NVL: variants seen among roughly 807,000 people sequenced by gnomAD.
NVL encodes nuclear VCP like.
Under a neutral mutation model 110.2 loss-of-function variants are expected in NVL, and 84 were observed. The ratio of observed to expected loss-of-function variants is 0.76; its 90% CI spans 0.64 to 0.91. The LOEUF is 0.91. Ranked by LOEUF, NVL falls within the 40% of genes least tolerant of loss-of-function variation. The pLI is 0.00. For synonymous variants in NVL, 354 were observed against 361.1 expected, an observed-to-expected ratio of 0.98 and a Z score of 0.22; for missense variants, 882 against 1,035.9, an observed-to-expected ratio of 0.85 and a Z score of 2.04.
intron 19 of NVL, among the ~76,000 whole-genome samples, chr1:224,247,920 G>A (rs1571818933): frequency 6.6e-6 from 1 of 152,184 alleles, no homozygotes; most frequent in African/African-American, 2.4e-5. Flanking sequence ...ATGTTCCCTG[G>A]GGACGTGAGG....
At chr1:224,233,070 C>T (rs1038778080) in intron 21 of NVL, 131 bp downstream of exon 21, 1 of 689,286 alleles carries the variant, frequency 1.5e-6, no homozygotes, top group African/African-American at 1.8e-5. Context: ...AGAACAGCTT[C>T]TAACAGTCTT....
chr1:224,230,281 C>A (rs1659725418), intron 22 of NVL, among the ~76,000 whole-genome samples: 1 of 152,168 alleles, frequency 6.6e-6, no homozygotes, highest in Non-Finnish European at 1.5e-5. Flanking sequence ...TAGAGTAGGT[C>A]AAATAATACT....
At chr1:224,266,308 G>C (rs890480210) in intron 18 of NVL, among the ~76,000 whole-genome samples, 1 of 152,034 alleles carries the variant, frequency 6.6e-6, no homozygotes, top group South Asian at 2.1e-4. Context: ...ATGCTTTTTG[G>C]TAGGCTGAAG....
chr1:224,323,198 C>G (rs1450361802), intron 2 of NVL, among the ~76,000 whole-genome samples: 1 of 152,160 alleles, frequency 6.6e-6, no homozygotes, highest in African/African-American at 2.4e-5. Context: ...AAAAGTAGAA[C>G]TTGTAAGTGA....
chr1:224,247,813 G>A (rs890026985), intron 19 of NVL, among the ~76,000 whole-genome samples: 2 of 152,132 alleles, frequency 1.3e-5, no homozygotes, highest in African/African-American at 2.4e-5. Flanking sequence ...GCCTGGCCTT[G>A]GATAATTCTT....
intron 2 of NVL, among the ~76,000 whole-genome samples, chr1:224,322,703 T>C (rs1356336727): frequency 1.3e-5 from 2 of 152,084 alleles, no homozygotes; most frequent in Non-Finnish European, 2.9e-5. Context: ...CCTATAATCC[T>C]AGCATGTTGG....
rs960085023 is a variant in NVL, at chr1:224,281,150, A to G, written c.1935T>C (p.Ser645=). The change falls in exon 16 of 23, where the codon TCT becomes TCC. Residue 645 remains serine, a synonymous_variant. Coordinates refer to ENST00000281701, the MANE Select transcript of NVL (RefSeq NM_002533.4). ...TGTTTAGTAATTCGGGGCCCTTGAC[A>G]GATATAAAATTTAGTCCGGACTCAT... ...VANESGLNFI[S]VKGPELLNMY... is the part of the protein sequence containing the mutation. 2 of 1,614,012 alleles carry G rather than the reference A, an allele frequency of 1.2e-6. No homozygotes were observed. The highest frequency in any genetic ancestry group is 3.3e-4 in the Middle Eastern group (2 of 6,062).
At chr1:224,321,540 A>T (rs1477137834) in intron 2 of NVL, among the ~76,000 whole-genome samples, 17 of 152,186 alleles carry the variant, frequency 1.1e-4, no homozygotes, top group Admixed American at 5.9e-4. Flanking sequence ...AACATGGCGA[A>T]ACCACATCTC....
chr1:224,263,878 G>A (rs1664221508), intron 18 of NVL, among the ~76,000 whole-genome samples: 1 of 152,168 alleles, frequency 6.6e-6, no homozygotes, highest in Non-Finnish European at 1.5e-5. Context: ...AGCCGGGTGT[G>A]GTGGCACATG....
intron 19 of NVL, among the ~76,000 whole-genome samples, chr1:224,244,921 C>T (rs933482939): frequency 6.6e-6 from 1 of 152,092 alleles, no homozygotes; most frequent in Non-Finnish European, 1.5e-5. Flanking sequence ...CTCCTGACCT[C>T]GTGATCCGCC....
chr1:224,287,108 G>A lies in NVL; in HGVS notation c.1794+667C>T, dbSNP rs555123553. Among the ~76,000 whole-genome samples the A allele has an allele frequency of 4.9e-4, 75 of 152,278 alleles. 1 individual carries two copies. The highest frequency in any genetic ancestry group is 1.7e-3 in the African/African-American group (72 of 41,542). On this transcript the variant is annotated intron_variant, in intron 14 of 22. Transcript: ENST00000281701. The stretch of plus-strand genomic sequence containing the variant: ...CAGCCACAAAAATGAATGAAATCCT[G>A]TCATTTGCAGCAACATGGATGGAAC...
chr1:224,249,284 C>T (rs1662201564), intron 19 of NVL, among the ~76,000 whole-genome samples: 1 of 152,108 alleles, frequency 6.6e-6, no homozygotes, highest in African/African-American at 2.4e-5. Flanking sequence ...CCATTGAAGT[C>T]CAGCTAATTT....
At chr1:224,327,743 TGAAAAGAGTCAAGTGTGAG>T (rs1671278482) in intron 1 of NVL, among the ~76,000 whole-genome samples, 1 of 150,950 alleles carries the variant, frequency 6.6e-6, no homozygotes, top group African/African-American at 2.4e-5. Flanking sequence ...TGTCAAACGC[TGAAAAGAGTCAAGTGTGAG>T]GACAGAGAAG....
intron 21 of NVL, among the ~76,000 whole-genome samples, chr1:224,231,877 A>T (rs2102691803): frequency 6.6e-6 from 1 of 151,616 alleles, no homozygotes; most frequent in Non-Finnish European, 1.5e-5. Flanking sequence ...ATACAAAAAA[A>T]ATTAAGTGGG....
At chr1:224,296,037 G>A (rs1667852203) in intron 11 of NVL, among the ~76,000 whole-genome samples, 1 of 151,014 alleles carries the variant, frequency 6.6e-6, no homozygotes, top group South Asian at 2.1e-4. Context: ...AGGCTTAAAT[G>A]GGAGGATCAC....
chr1:224,261,086 G>A lies in NVL; in HGVS notation c.2182+6948C>T, dbSNP rs1238790252. Among the ~76,000 whole-genome samples the A allele has an allele frequency of 2.6e-5, 4 of 152,068 alleles. No homozygotes were observed. The East Asian group carries it at 7.7e-4, about 29-fold the overall frequency. ...AGACGGGGTTTCACCATGTTGGCCA[G>A]GCTGGTCTCGAACTCCTGACCTCAT... On this transcript the variant is annotated intron_variant, in intron 18 of 22. Transcript: ENST00000281701.
At chr1:224,244,082 T>A (rs1661523178) in intron 19 of NVL, among the ~76,000 whole-genome samples, 1 of 150,766 alleles carries the variant, frequency 6.6e-6, no homozygotes, top group Admixed American at 6.6e-5. Flanking sequence ...AAAAAAAATC[T>A]GGGGGCCGGG....
chr1:224,267,333 T>A (rs1664589825), intron 18 of NVL, among the ~76,000 whole-genome samples: 1 of 152,182 alleles, frequency 6.6e-6, no homozygotes, highest in African/African-American at 2.4e-5. Context: ...GTCTCGTTTT[T>A]GTTTCCTATA....
intron 12 of NVL, among the ~76,000 whole-genome samples, chr1:224,293,870 G>C (rs1211566447): frequency 6.6e-6 from 1 of 152,176 alleles, no homozygotes; most frequent in Non-Finnish European, 1.5e-5. Context: ...TTGGAGCACA[G>C]TGACACAATC....
Sources: gnomAD v4.1 joint callset for allele counts (sites outside exome capture counted in the v4.1 genomes callset) on GRCh38, gnomAD v4.1.1 for gene constraint, MANE v1.5 for transcripts, NCBI Gene and HGNC (gene_info 2026-07-23, HGNC 2026-07-21) for gene names.